AGAP6: variants seen among roughly 807,000 people sequenced by gnomAD.
AGAP6 encodes arf-GAP with GTPase, ANK repeat and PH domain-containing protein 6.
In AGAP6, 29 loss-of-function variants were observed where a neutral mutation model predicts 63.9. The ratio of observed to expected loss-of-function variants is 0.45; its 90% CI spans 0.34 to 0.62. AGAP6 has a LOEUF of 0.62. Ranked by LOEUF, AGAP6 falls within the 20% of genes least tolerant of loss-of-function variation. The pLI is 0.01. For missense variants in AGAP6, 493 were observed against 884.9 expected (o/e 0.56, Z 5.62); for synonymous variants, 199 against 332.9 (o/e 0.60, Z 4.38).
At chr10:49,989,223 T>C in intron 1 of AGAP6, 85 bp from the exon 2 acceptor site, 1 of 1,571,686 alleles carries the variant, frequency 6.4e-7, no homozygotes, top group East Asian at 2.3e-5. Context: ...ATGGCTCTTG[T>C]CGAATAAGCA....
At chr10:49,990,602 A>G (rs1380791693) in intron 2 of AGAP6, among the ~76,000 whole-genome samples, 1 of 152,244 alleles carries the variant, frequency 6.6e-6, no homozygotes, top group Non-Finnish European at 1.5e-5. Flanking sequence ...CTGGGTAATA[A>G]TATGGTTCTT....
In AGAP6 at chr10:49,989,530, C is replaced by T. The variant is rs574581641; in HGVS notation, c.292+154C>T. Among the ~76,000 whole-genome samples the T allele has an allele frequency of 2.0e-5, 3 of 152,186 alleles. No homozygotes were observed. In the South Asian group the frequency reaches 6.2e-4, roughly 32 times the overall value. Reference sequence around the variant, plus strand: ...TTCTTTGTACCTATCCAGATGGTACCTAAGTGAAGGAACCAGGTAAGTGCC... The same window carrying T: ...TTCTTTGTACCTATCCAGATGGTACTTAAGTGAAGGAACCAGGTAAGTGCC... On this transcript the variant is annotated intron_variant, in intron 2 of 7. Coordinates refer to ENST00000412531, the MANE Select transcript of AGAP6 (RefSeq NM_001077665.3).
At chr10:49,993,078 A>T (rs1554861343) in intron 3 of AGAP6, among the ~76,000 whole-genome samples, 1 of 151,804 alleles carries the variant, frequency 6.6e-6, no homozygotes, top group African/African-American at 2.4e-5. Context: ...ACAGTCTTTT[A>T]AATTACCATA....
At chr10:50,004,197 C>CA (rs1179708288) in intron 5 of AGAP6, among the ~76,000 whole-genome samples, 6 of 147,536 alleles carry the variant, frequency 4.1e-5, no homozygotes, top group African/African-American at 7.5e-5. Flanking sequence ...CCCACCCCCC[C>CA]AAAAAAAAAT....
chr10:50,009,701 G>A lies in AGAP6; in HGVS notation c.1576G>A (p.Val526Ile), dbSNP rs545810161. 3.5e-4 allele frequency: 565 copies of A among 1,614,210 alleles called. 3 individuals are homozygous for A. The African/African-American group carries it at 7.0e-3, about 20-fold the overall frequency. Residue 526 changes from valine (V) to isoleucine (I), a missense_variant, in exon 8 of 8, where the codon GTT becomes ATT. Val to Ile is a conservative substitution (Grantham distance 29). Coordinates refer to ENST00000412531, the MANE Select transcript of AGAP6 (RefSeq NM_001077665.3). ...ATCTCTGGAGCTGGATGACTGGCCA[G>A]TTGAGCTCAGGAAGGTTATGTCATC... Reference protein sequence around the residue: ...VRSLELDDWPVELRKVMSSIV... With the variant: ...VRSLELDDWPIELRKVMSSIV...
chr10:49,988,393 G>A (rs1841117892), upstream of AGAP6: 5 of 1,302,668 alleles, frequency 3.8e-6, no homozygotes, highest in African/African-American at 6.0e-5. Context: ...ACAGAAGGAG[G>A]AGGAACTCCG....
Position 49,996,328 on chromosome 10 carries a change from T to C in AGAP6, c.396+1899T>C, listed in dbSNP as rs4043236. Among the ~76,000 whole-genome samples the C allele has an allele frequency of 6.6e-3, 1,003 of 151,916 alleles. 12 individuals carry two copies. The highest frequency in any genetic ancestry group is 0.022 in the African/African-American group (911 of 41,196). ...TTGATCTCTTTTCTTGGAGGCTTCC[T>C]TCCAATGTGTGGTGGTCCCTGGCCT... On this transcript the variant is annotated intron_variant, in intron 4 of 7. Transcript: ENST00000412531.
intron 4 of AGAP6, among the ~76,000 whole-genome samples, chr10:49,997,397 G>T (rs1280088791): frequency 6.6e-6 from 1 of 152,172 alleles, no homozygotes; most frequent in South Asian, 2.1e-4. Flanking sequence ...TACTCAGGAG[G>T]CTGAGGCAGA....
At chr10:50,007,710 A>G (rs1841962896) in intron 6 of AGAP6, among the ~76,000 whole-genome samples, 1 of 151,246 alleles carries the variant, frequency 6.6e-6, no homozygotes. Flanking sequence ...TGCTTTGTAG[A>G]ACATTCTTGT....
intron 6 of AGAP6, among the ~76,000 whole-genome samples, chr10:50,005,205 C>G (rs1217125603): frequency 6.6e-6 from 1 of 152,170 alleles, no homozygotes; most frequent in Non-Finnish European, 1.5e-5. Flanking sequence ...TTTTCTACAA[C>G]AAAAAGTTGA....
chr10:49,999,536 T>TC (rs1564710984), intron 4 of AGAP6, among the ~76,000 whole-genome samples: 3 of 130,172 alleles, frequency 2.3e-5, no homozygotes, highest in Admixed American at 8.9e-5. Context: ...TTGAAAGCAT[T>TC]CCCCCCGAGA....
chr10:50,007,441 CT>C (rs1554864104), intron 6 of AGAP6, among the ~76,000 whole-genome samples: 1 of 106,290 alleles, frequency 9.4e-6, no homozygotes, highest in Non-Finnish European at 2.0e-5. Flanking sequence ...CCTCTTAGGC[CT>C]TCTGGAAGGG....
Position 50,007,909 on chromosome 10 carries a change from T to C in AGAP6, c.534-116T>C, listed in dbSNP as rs1448924305. The C allele has an allele frequency of 2.5e-6, 4 of 1,588,220 alleles. No individual in the cohort carries two copies. The East Asian group carries it at 6.7e-5, about 27-fold the overall frequency. Reference sequence around the variant, plus strand: ...AGTCAGGATCCAATAGAAGAATTCATAAAAACTGCTTTGGTAAAGTAAACA... The same window carrying C: ...AGTCAGGATCCAATAGAAGAATTCACAAAAACTGCTTTGGTAAAGTAAACA... On this transcript the variant is annotated intron_variant, in intron 6 of 7. Transcript: ENST00000412531.
At chr10:49,995,006 T>C (rs1399479616) in intron 4 of AGAP6, among the ~76,000 whole-genome samples, 1 of 151,652 alleles carries the variant, frequency 6.6e-6, no homozygotes, top group Non-Finnish European at 1.5e-5. Context: ...TTTAATCTTA[T>C]TTTTAATGAA....
chr10:49,994,105 A>C (rs1482366259), intron 3 of AGAP6, among the ~76,000 whole-genome samples: 1 of 152,126 alleles, frequency 6.6e-6, no homozygotes, highest in Non-Finnish European at 1.5e-5. Context: ...ACTTTTTATT[A>C]GCTAAATTTT....
intron 6 of AGAP6, among the ~76,000 whole-genome samples, chr10:50,007,166 C>T (rs1322794333): frequency 2.0e-5 from 3 of 151,954 alleles, no homozygotes; most frequent in Admixed American, 6.6e-5. Flanking sequence ...CTGAGGCAAG[C>T]GGATTACCTG....
chr10:49,989,204 CATTT>C (rs1554860276), intron 1 of AGAP6, 100 bp from the exon 2 acceptor site: 1 of 1,535,352 alleles, frequency 6.5e-7, no homozygotes, highest in African/African-American at 1.4e-5. Flanking sequence ...GGCATGGGAC[CATTT>C]ATTTATGGCT....
chr10:49,988,895 G>T lies in AGAP6; in HGVS notation c.180G>T (p.Glu60Asp). 1 of 1,599,602 alleles carries T rather than the reference G, an allele frequency of 6.3e-7. No homozygotes were observed. The highest frequency in any genetic ancestry group is 1.1e-5 in the South Asian group (1 of 90,912). ...CTGAGGTGACTGTTGAAGTTGGTGA[G>T]GACCTCCACATGCACCACGTTCGTG... ...QPAEVTVEVG[E>D]DLHMHHVRDR... Residue 60 changes from glutamate to aspartate, a missense_variant, in exon 1 of 8, where the codon GAG (glutamate) becomes GAT (aspartate). Physicochemically the swap from Glu to Asp is conservative, Grantham distance 45. Transcript: ENST00000412531.
chr10:50,003,962 C>T (rs1380896257), intron 5 of AGAP6, among the ~76,000 whole-genome samples: 4 of 152,148 alleles, frequency 2.6e-5, no homozygotes, highest in Non-Finnish European at 5.9e-5. Flanking sequence ...TTAAAAAGTG[C>T]TAATATTGTG....
Sources: gnomAD v4.1 joint callset for allele counts (sites outside exome capture counted in the v4.1 genomes callset) on GRCh38, gnomAD v4.1.1 for gene constraint, MANE v1.5 for transcripts, NCBI Gene and HGNC (gene_info 2026-07-23, HGNC 2026-07-21) for gene names.